SLC2A9: variants seen among roughly 807,000 people sequenced by gnomAD.
SLC2A9 encodes solute carrier family 2, facilitated glucose transporter member 9.
SLC2A9 carries 39 observed loss-of-function variants against 50.6 expected under a neutral mutation model. The observed-to-expected ratio is 0.77, with a 90% CI of 0.60 to 1.01. The LOEUF (loss-of-function observed/expected upper bound fraction) is 1.01, where lower values mean the gene tolerates loss of function less well. Ranked by LOEUF, SLC2A9 falls within the 50% of genes least tolerant of loss-of-function variation. SLC2A9 has a pLI of 0.00. For missense variants in SLC2A9, 686 were observed against 677.6 expected, an observed-to-expected ratio of 1.01 and a Z score of -0.14; for synonymous variants, 324 against 276.9, an observed-to-expected ratio of 1.17 and a Z score of -1.69.
chr4:9,782,469 G>A (rs896687934), intron 3 of SLC2A9: 1 of 1,613,916 alleles, frequency 6.2e-7, no homozygotes, highest in Non-Finnish European at 8.5e-7. Context: ...AGGCCCTTCC[G>A]CTACAAGCGC....
At chr4:9,990,224 G>A (rs975753119) in intron 3 of SLC2A9, among the ~76,000 whole-genome samples, 1 of 152,294 alleles carries the variant, frequency 6.6e-6, no homozygotes, top group East Asian at 1.9e-4. Context: ...AACGGAAAGT[G>A]TGCAAGCATA....
At chr4:9,852,845 T>A (rs1730176097) in intron 10 of SLC2A9, among the ~76,000 whole-genome samples, 1 of 152,148 alleles carries the variant, frequency 6.6e-6, no homozygotes, top group Admixed American at 6.5e-5. Context: ...CAGAATCAAA[T>A]CTGCACATAC....
At chr4:9,850,191 T>C (rs1309735824) in intron 10 of SLC2A9, among the ~76,000 whole-genome samples, 2 of 151,944 alleles carry the variant, frequency 1.3e-5, no homozygotes, top group Non-Finnish European at 2.9e-5. Context: ...GTTGAACAGG[T>C]GAGGAATGGC....
Position 9,890,715 on chromosome 4 carries a change from G to C in SLC2A9, c.1114-4C>G. 1 of 1,612,844 alleles carries C rather than the reference G, an allele frequency of 6.2e-7. No homozygotes were observed. The highest frequency in any genetic ancestry group is 8.5e-7 in the Non-Finnish European group (1 of 1,178,906). On this transcript the variant is annotated splice_polypyrimidine_tract_variant and splice_region_variant and intron_variant, in intron 8 of 11. Coordinates refer to ENST00000264784, the MANE Select transcript of SLC2A9 (RefSeq NM_020041.3). ...CCAGGTGCTCAATGACCAAACCCTAGTCCAGGGTAAAAGAGAGAGAGAGAG... is the reference window on the plus strand; with the variant it reads ...CCAGGTGCTCAATGACCAAACCCTACTCCAGGGTAAAAGAGAGAGAGAGAG...
chr4:9,816,968 T>A (rs1723687259), intron 3 of SLC2A9, among the ~76,000 whole-genome samples: 1 of 152,156 alleles, frequency 6.6e-6, no homozygotes, highest in African/African-American at 2.4e-5. Flanking sequence ...GGATAATACA[T>A]TTCTTTTCCT....
At chr4:9,870,634 CTAAT>C (rs1275847585) in intron 10 of SLC2A9, among the ~76,000 whole-genome samples, 2 of 152,318 alleles carry the variant, frequency 1.3e-5, no homozygotes, top group African/African-American at 4.8e-5. Context: ...GATAAGCTCA[CTAAT>C]TAACTCTGCC....
At chr4:9,868,637 A>T (rs1219358435) in intron 10 of SLC2A9, among the ~76,000 whole-genome samples, 1 of 152,160 alleles carries the variant, frequency 6.6e-6, no homozygotes, top group Non-Finnish European at 1.5e-5. Context: ...TGAGAAGTGA[A>T]TTGTCTGTGG....
rs747410628 is a variant in SLC2A9 at position 9,941,968 on chromosome 4, C to T, written c.759G>A (p.Pro253=). 2.0e-5 allele frequency: 32 copies of T among 1,614,014 alleles called. No homozygotes were observed. The highest frequency in any genetic ancestry group is 6.7e-5 in the East Asian group (3 of 44,890). Residue 253 remains proline (P), a synonymous_variant, in exon 6 of 12, where the codon CCG becomes CCA. Transcript: ENST00000264784. The part of the protein sequence containing the change: ...VVQLLSLPFL[P]DSPRYLLLEK... ...CCAAGAGCAGGTAGCGTGGGCTGTC[C>T]GGGAGAAAGGGAAGGCTCAGCAGCT...
At chr4:9,986,020 C>G (rs113066868) in intron 3 of SLC2A9, among the ~76,000 whole-genome samples, 75 of 152,316 alleles carry the variant, frequency 4.9e-4, no homozygotes, top group African/African-American at 1.6e-3. Context: ...TCTATGAATT[C>G]TCTGTGGTAG....
intron 3 of SLC2A9, among the ~76,000 whole-genome samples, chr4:9,792,159 G>GTTTTTTTTTTTTTTTTTT (rs1228816556): frequency 1.1e-5 from 1 of 94,602 alleles, no homozygotes; most frequent in African/African-American, 3.5e-5. Context: ...TCTATTCTAT[G>GTTTTTTTTTTTTTTTTTT]TTTCTTTTTT....
chr4:9,861,840 A>G (rs1731713659), intron 10 of SLC2A9, among the ~76,000 whole-genome samples: 1 of 152,158 alleles, frequency 6.6e-6, no homozygotes, highest in Non-Finnish European at 1.5e-5. Flanking sequence ...TGCTGAATTA[A>G]TGATTAAAGT....
chr4:10,036,041 G>A (rs770782219), intron 1 of SLC2A9: 2 of 204,330 alleles, frequency 9.8e-6, no homozygotes, highest in South Asian at 9.7e-5. Flanking sequence ...CAGATGGCCT[G>A]TCAAGGGACT....
downstream of SLC2A9, among the ~76,000 whole-genome samples, chr4:9,795,310 G>T (rs1720467193): frequency 6.6e-6 from 1 of 152,092 alleles, no homozygotes; most frequent in African/African-American, 2.4e-5. Context: ...GTGCCCGGCT[G>T]CATTAACCCA....
At chr4:9,864,910 G>A (rs1732207864) in intron 10 of SLC2A9, among the ~76,000 whole-genome samples, 1 of 152,238 alleles carries the variant, frequency 6.6e-6, no homozygotes, top group African/African-American at 2.4e-5. Flanking sequence ...CTTGGGCATG[G>A]TGCCTTGGCC....
intron 3 of SLC2A9, chr4:9,782,706 C>T: frequency 6.2e-7 from 1 of 1,614,030 alleles, no homozygotes; most frequent in South Asian, 1.1e-5. Flanking sequence ...CGAACCTACG[C>T]CATCTCTTCC....
intron 1 of SLC2A9, among the ~76,000 whole-genome samples, chr4:10,019,688 A>G (rs767845702): frequency 6.6e-6 from 1 of 152,224 alleles, no homozygotes; most frequent in Non-Finnish European, 1.5e-5. Flanking sequence ...AGCCAGACAG[A>G]TGTGCACACA....
intron 11 of SLC2A9, among the ~76,000 whole-genome samples, chr4:9,833,291 T>G (rs1160938132): frequency 6.6e-6 from 1 of 152,164 alleles, no homozygotes; most frequent in African/African-American, 2.4e-5. Flanking sequence ...AATAGAGTGT[T>G]TGTTGCTAAA....
chr4:9,849,522 T>C (rs2109301049), intron 10 of SLC2A9, among the ~76,000 whole-genome samples: 1 of 152,322 alleles, frequency 6.6e-6, no homozygotes, highest in African/African-American at 2.4e-5. Context: ...ACATAGACTT[T>C]CTTCCAGTGG....
intron 11 of SLC2A9, among the ~76,000 whole-genome samples, chr4:9,829,277 G>A (rs948061433): frequency 7.2e-5 from 11 of 152,072 alleles, no homozygotes; most frequent in Middle Eastern, 3.4e-3. Context: ...GGTGGCAGTC[G>A]CCTGTTATCC....
Sources: allele counts gnomAD v4.1 joint callset (sites outside exome capture counted in the v4.1 genomes callset), GRCh38; gene constraint gnomAD v4.1.1; transcripts MANE v1.5; gene names NCBI Gene and HGNC (gene_info 2026-07-23, HGNC 2026-07-21).